Variants in CGGBP1 observed in about 807,000 individuals in gnomAD.
The protein encoded by CGGBP1 is CGG triplet repeat-binding protein 1.
In CGGBP1, 4 loss-of-function variants were observed where a neutral mutation model predicts 11.4. That is an observed-to-expected ratio of 0.35 (90% CI 0.17 to 0.80). CGGBP1 has a LOEUF of 0.80. Ranked by LOEUF, CGGBP1 falls within the 30% of genes least tolerant of loss-of-function variation. The probability of loss-of-function intolerance (pLI) is 0.52; values close to 1 mark genes in which losing one functional copy is unlikely to be tolerated. For missense variants in CGGBP1, 135 were observed against 202.1 expected (o/e 0.67, Z 2.01); for synonymous variants, 76 against 74.1 (o/e 1.03, Z -0.13).
upstream of CGGBP1, chr3:88,059,454 C>G: frequency 2.0e-6 from 3 of 1,522,000 alleles, no homozygotes; most frequent in Non-Finnish European, 2.6e-6. Flanking sequence ...GCGGCAACTG[C>G]GGCGGCGGCG....
At chr3:88,093,437 A>AT (rs1703868716) in intron 2 of CGGBP1, among the ~76,000 whole-genome samples, 2 of 152,192 alleles carry the variant, frequency 1.3e-5, no homozygotes, top group African/African-American at 4.8e-5. Flanking sequence ...GACAGCAGGT[A>AT]TTTGCCTGAC....
intron 1 of CGGBP1, chr3:88,141,597 G>T: frequency 7.2e-7 from 1 of 1,396,220 alleles, no homozygotes; most frequent in Non-Finnish European, 9.6e-7. Context: ...TGGAATTCCG[G>T]TCGAATGTCA....
intron 2 of CGGBP1, among the ~76,000 whole-genome samples, chr3:88,095,160 T>A (rs1198477260): frequency 1.3e-5 from 2 of 152,168 alleles, no homozygotes; most frequent in Non-Finnish European, 1.5e-5. Context: ...TAAGAAAAAA[T>A]TTGCTCCTTG....
intron 2 of CGGBP1, among the ~76,000 whole-genome samples, chr3:88,083,191 T>C (rs1037271850): frequency 6.6e-6 from 1 of 152,170 alleles, no homozygotes; most frequent in Non-Finnish European, 1.5e-5. Flanking sequence ...ATCGGGGGGT[T>C]AGGGCTTCAA....
rs866877112 is a variant in CGGBP1 at position 88,085,893 on chromosome 3, C to T, written c.-228-27670G>A. ...AATAATGATAATAATAATGCATGATCGTTTCTAATTTTCTTTATTACTATA... is the reference window on the plus strand; with the variant it reads ...AATAATGATAATAATAATGCATGATTGTTTCTAATTTTCTTTATTACTATA... On this transcript the variant is annotated intron_variant, in intron 2 of 3. Coordinates refer to the CGGBP1 transcript ENST00000462901. Among the ~76,000 whole-genome samples the T allele has an allele frequency of 2.3e-4, 35 of 152,196 alleles. No homozygotes were observed. In the East Asian group the frequency reaches 2.3e-3, roughly 10 times the overall value.
intron 2 of CGGBP1, among the ~76,000 whole-genome samples, chr3:88,077,952 C>T (rs1576219006): frequency 6.6e-6 from 1 of 152,040 alleles, no homozygotes; most frequent in African/African-American, 2.4e-5. Context: ...TTTTAGGTGA[C>T]TATTATGAAT....
At chr3:88,095,630 G>C (rs530638329) in intron 2 of CGGBP1, 1 of 510,404 alleles carries the variant, frequency 2.0e-6, no homozygotes, top group Non-Finnish European at 3.9e-6. Context: ...GTCTTATCTC[G>C]AAGCCCCAAG....
intron 2 of CGGBP1, chr3:88,139,870 C>G (rs1240892818): frequency 3.7e-6 from 6 of 1,607,228 alleles, no homozygotes; most frequent in Non-Finnish European, 5.1e-6. Flanking sequence ...GTGTGCCATC[C>G]AAAAGACATA....
chr3:88,119,390 T>TGGGGGAA (rs1413878530), intron 2 of CGGBP1, among the ~76,000 whole-genome samples: 1 of 41,958 alleles, frequency 2.4e-5, no homozygotes, highest in African/African-American at 1.0e-4. Context: ...TGTTGTGGGG[T>TGGGGGAA]GGGGGGAGGG....
At chr3:88,131,178 T>G (rs892644369) in intron 2 of CGGBP1, among the ~76,000 whole-genome samples, 1 of 152,154 alleles carries the variant, frequency 6.6e-6, no homozygotes, top group African/African-American at 2.4e-5. Context: ...CTGTAGGCAA[T>G]TATAACACAA....
At chr3:88,146,382 T>C (rs1366522698) in intron 1 of CGGBP1, among the ~76,000 whole-genome samples, 1 of 152,178 alleles carries the variant, frequency 6.6e-6, no homozygotes, top group African/African-American at 2.4e-5. Flanking sequence ...CCTTAAATGG[T>C]TGGGTGAATG....
chr3:88,104,382 T>C (rs756736141), intron 2 of CGGBP1, among the ~76,000 whole-genome samples: 8 of 152,230 alleles, frequency 5.3e-5, no homozygotes, highest in Non-Finnish European at 1.0e-4. Flanking sequence ...GTAGTGTCTC[T>C]GTAACTACTC....
At chr3:88,113,338 C>T in intron 2 of CGGBP1, 1 of 477,826 alleles carries the variant, frequency 2.1e-6, no homozygotes, top group Non-Finnish European at 3.6e-6. Flanking sequence ...CCTATTATTA[C>T]TGGCTGATAA....
chr3:88,143,276 A>G (rs1707212988), intron 1 of CGGBP1: 2 of 152,184 alleles, frequency 1.3e-5, no homozygotes, highest in African/African-American at 2.4e-5. Flanking sequence ...ATTCACTACT[A>G]TGCAATGATG....
intron 1 of CGGBP1, chr3:88,142,143 G>T (rs1470160114): frequency 1.3e-5 from 2 of 152,448 alleles, no homozygotes; most frequent in African/African-American, 4.8e-5. Context: ...CATGGTTTAA[G>T]GAACCGCTGC....
intron 2 of CGGBP1, among the ~76,000 whole-genome samples, chr3:88,131,219 A>T (rs1706440194): frequency 6.6e-6 from 1 of 152,212 alleles, no homozygotes; most frequent in African/African-American, 2.4e-5. Context: ...AGACATATCT[A>T]AATATAGAAA....
intron 2 of CGGBP1, chr3:88,140,154 C>A: frequency 6.2e-7 from 1 of 1,613,796 alleles, no homozygotes; most frequent in Non-Finnish European, 8.5e-7. Flanking sequence ...GTTTAAGCTG[C>A]CGTTCCAGCT....
chr3:88,054,936 A>G lies in CGGBP1; in HGVS notation c.*537T>C. 6.6e-6 allele frequency: 1 copy of G among 152,630 alleles called. No individual in the cohort carries two copies. The highest frequency in any genetic ancestry group is 1.5e-5 in the Non-Finnish European group (1 of 68,052). 9.5% of individuals were successfully genotyped at this position (152,630 alleles called of 1,614,324 possible). A position where few individuals can be genotyped will look rare whatever the true frequency, so the allele number is the denominator to read the frequency against. On this transcript the variant is annotated 3_prime_UTR_variant, in exon 4 of 4. Coordinates refer to ENST00000482016, the MANE Select transcript of CGGBP1 (RefSeq NM_001008390.2). ...GATAGTTAAGGTGACTACATCATAT[A>G]CAAGTAAAACATAGTTTGAAATAAA...
At chr3:88,110,354 A>C (rs891559022) in intron 2 of CGGBP1, among the ~76,000 whole-genome samples, 1 of 152,070 alleles carries the variant, frequency 6.6e-6, no homozygotes, top group African/African-American at 2.4e-5. Flanking sequence ...TCACTGGTCA[A>C]CTCTACCACT....
Sources: allele counts gnomAD v4.1 joint callset (sites outside exome capture counted in the v4.1 genomes callset), GRCh38; gene constraint gnomAD v4.1.1; transcripts MANE v1.5; gene names NCBI Gene and HGNC (gene_info 2026-07-23, HGNC 2026-07-21).